The following NAALADL2 variants were observed in gnomAD, a reference collection of about 807,000 sequenced individuals.
NAALADL2 encodes inactive N-acetylated-alpha-linked acidic dipeptidase-like protein 2.
A neutral mutation model predicts 87.2 loss-of-function variants in NAALADL2; 76 were observed. The observed-to-expected ratio is 0.87, with a 90% CI of 0.72 to 1.05. The LOEUF is 1.05. Among genes scored for constraint, NAALADL2 ranks in the 50% least tolerant of loss-of-function variants. The probability of loss-of-function intolerance (pLI) is 0.00; values close to 1 mark genes in which losing one functional copy is unlikely to be tolerated. For synonymous variants in NAALADL2, 354 were observed against 331.0 expected (o/e 1.07, Z -0.75); for missense variants, 1,089 against 945.8 (o/e 1.15, Z -1.99).
rs1400712465 is a variant in NAALADL2, at chr3:175,803,392, TATCTAC to T, written c.*192_*197del. 2 of 403,168 alleles carry T rather than the reference TATCTAC, an allele frequency of 5.0e-6. No homozygotes were observed. The highest frequency in any genetic ancestry group is 4.1e-5 in the Admixed American group (1 of 24,426). The allele number at this position is 403,168 out of a possible 1,614,324, so 25.0% of individuals were successfully genotyped here. A position where few individuals can be genotyped will look rare whatever the true frequency, so the allele number is the denominator to read the frequency against. Reference sequence around the variant, plus strand: ...TTTTGCACATTTAATATTTTTCTTATATCTACATTTCTGAATATGTAAAGCAAGTTA... The same window carrying T: ...TTTTGCACATTTAATATTTTTCTTATATTTCTGAATATGTAAAGCAAGTTA... On this transcript the variant is annotated 3_prime_UTR_variant, in exon 14 of 14. Transcript: ENST00000454872.
intron 13 of NAALADL2, among the ~76,000 whole-genome samples, chr3:175,767,363 A>G (rs1213478016): frequency 6.6e-6 from 1 of 152,170 alleles, no homozygotes; most frequent in African/African-American, 2.4e-5. Context: ...CAATTGATAT[A>G]ATCCTTAAAA....
chr3:174,798,226 G>T (rs1389850787), intron 3 of NAALADL2, among the ~76,000 whole-genome samples: 1 of 152,110 alleles, frequency 6.6e-6, no homozygotes, highest in African/African-American at 2.4e-5. Flanking sequence ...CTTCATGCCA[G>T]TACTACATAG....
intron 1 of NAALADL2, among the ~76,000 whole-genome samples, chr3:174,467,972 A>C (rs1345421135): frequency 6.6e-6 from 1 of 152,156 alleles, no homozygotes; most frequent in Non-Finnish European, 1.5e-5. Context: ...TGATATGGTA[A>C]AGGTTAAGAC....
intron 3 of NAALADL2, among the ~76,000 whole-genome samples, chr3:174,844,080 A>G (rs1724325489): frequency 1.3e-5 from 2 of 152,180 alleles, no homozygotes; most frequent in Admixed American, 1.3e-4. Context: ...CGTATTTTAA[A>G]AATCTTTGCC....
chr3:175,536,467 C>A (rs62287125), intron 9 of NAALADL2, among the ~76,000 whole-genome samples: 2 of 151,732 alleles, frequency 1.3e-5, no homozygotes, highest in Admixed American at 6.6e-5. Context: ...TTTTTGCTAG[C>A]CTAATTTTAT....
chr3:174,486,997 C>CT (rs966166108), intron 1 of NAALADL2, among the ~76,000 whole-genome samples: 2 of 151,792 alleles, frequency 1.3e-5, no homozygotes, highest in African/African-American at 2.4e-5. Flanking sequence ...TATCAGAGGC[C>CT]TTTTTTGGTG....
chr3:174,804,846 A>G (rs1560241018), intron 3 of NAALADL2, among the ~76,000 whole-genome samples: 1 of 152,152 alleles, frequency 6.6e-6, no homozygotes, highest in Non-Finnish European at 1.5e-5. Flanking sequence ...AATTTGTATT[A>G]ATATATTTAT....
intron 2 of NAALADL2, among the ~76,000 whole-genome samples, chr3:174,636,210 C>G (rs932451832): frequency 6.6e-6 from 1 of 152,160 alleles, no homozygotes; most frequent in South Asian, 2.1e-4. Context: ...AGGACTGAAA[C>G]ATAATACCTG....
intron 4 of NAALADL2, among the ~76,000 whole-genome samples, chr3:175,316,463 T>C (rs141647190): frequency 1.1e-4 from 16 of 152,246 alleles, no homozygotes; most frequent in Non-Finnish European, 1.8e-4. Context: ...ATATAGTTAT[T>C]TGAGAGAGAT....
At chr3:174,521,988 A>G (rs1364496783) in intron 1 of NAALADL2, among the ~76,000 whole-genome samples, 3 of 152,106 alleles carry the variant, frequency 2.0e-5, no homozygotes, top group Non-Finnish European at 2.9e-5. Context: ...CATCCCAGCT[A>G]CTTGGGAGGC....
intron 1 of NAALADL2, among the ~76,000 whole-genome samples, chr3:174,549,618 A>G (rs1387803759): frequency 6.6e-6 from 1 of 152,234 alleles, no homozygotes; most frequent in Non-Finnish European, 1.5e-5. Context: ...TACTTATTTT[A>G]TGGCATACAC....
chr3:175,316,072 G>A (rs1759103681), intron 4 of NAALADL2, among the ~76,000 whole-genome samples: 1 of 152,112 alleles, frequency 6.6e-6, no homozygotes. Flanking sequence ...TTCAGTCTTT[G>A]CATTCTTTGG....
intron 12 of NAALADL2, among the ~76,000 whole-genome samples, chr3:175,741,418 G>A (rs574702732): frequency 6.6e-6 from 1 of 152,152 alleles, no homozygotes; most frequent in South Asian, 2.1e-4. Flanking sequence ...CACTTTAGGG[G>A]TTAGATTTAA....
At position 174,654,826 on chromosome 3, in the gene NAALADL2, C is replaced by T. The variant is rs563047589; in HGVS notation, c.-114-82815C>T. On this transcript the variant is annotated intron_variant, in intron 2 of 3. Transcript: ENST00000434257. Reference sequence around the variant, plus strand: ...TCTCCACTCACTGCAAGCTCTGCCTCCCGGGTTCAAGCCATTCTCCTGCCT... The same window carrying T: ...TCTCCACTCACTGCAAGCTCTGCCTTCCGGGTTCAAGCCATTCTCCTGCCT... 1.5e-3 allele frequency among the ~76,000 whole-genome samples: 225 copies of T among 152,264 alleles called. 1 individual carries two copies. The highest frequency in any genetic ancestry group is 2.4e-3 in the Non-Finnish European group (164 of 68,022).
chr3:175,678,556 G>A (rs372139324), intron 11 of NAALADL2, among the ~76,000 whole-genome samples: 19 of 152,270 alleles, frequency 1.2e-4, no homozygotes, highest in African/African-American at 4.6e-4. Context: ...AAAAAATGAT[G>A]AGTTCATGTC....
intron 1 of NAALADL2, among the ~76,000 whole-genome samples, chr3:175,040,679 A>G (rs1753964817): frequency 6.6e-6 from 1 of 152,214 alleles, no homozygotes; most frequent in Non-Finnish European, 1.5e-5. Flanking sequence ...TGAGATAATA[A>G]ATATGAAAGT....
At chr3:175,684,281 G>T (rs1234290072) in intron 11 of NAALADL2, among the ~76,000 whole-genome samples, 2 of 152,042 alleles carry the variant, frequency 1.3e-5, no homozygotes, top group Non-Finnish European at 2.9e-5. Flanking sequence ...AGCAATGTCA[G>T]TATCAAGTTA....
In NAALADL2 at chr3:175,356,612, A is replaced by AATAATAATAATAATAAT. The variant is rs1367197145; in HGVS notation, c.1090+32287_1090+32288insATAATAATAATAATAAT. The stretch of plus-strand genomic sequence containing the variant: ...ATAATAATAATAATAATAATAATAA[A>AATAATAATAATAATAAT]GAAATAAAAGAAAATACCATTGTAT... On this transcript the variant is annotated intron_variant, in intron 5 of 13. Coordinates refer to ENST00000454872, the MANE Select transcript of NAALADL2 (RefSeq NM_207015.3). 3.0e-5 allele frequency among the ~76,000 whole-genome samples: 3 copies of AATAATAATAATAATAAT among 99,036 alleles called. No individual in the cohort carries two copies. In the East Asian group the frequency reaches 1.2e-3, roughly 41 times the overall value. The allele number at this position is 99,036 out of a possible 152,430, so 65.0% of individuals were successfully genotyped here. A position where few individuals can be genotyped will look rare whatever the true frequency, so the allele number is the denominator to read the frequency against.
At chr3:175,407,706 G>A (rs1251921548) in intron 5 of NAALADL2, among the ~76,000 whole-genome samples, 1 of 152,172 alleles carries the variant, frequency 6.6e-6, no homozygotes, top group East Asian at 1.9e-4. Context: ...ATTGAGGAAT[G>A]GTTTCTGGAT....
Sources: allele counts gnomAD v4.1 joint callset (sites outside exome capture counted in the v4.1 genomes callset), GRCh38; gene constraint gnomAD v4.1.1; transcripts MANE v1.5; gene names NCBI Gene and HGNC (gene_info 2026-07-23, HGNC 2026-07-21).